Variants in NBEA observed in about 807,000 individuals in gnomAD.
NBEA encodes neurobeachin.
In NBEA, 44 loss-of-function variants were observed where a neutral mutation model predicts 343.4. That is an observed-to-expected ratio of 0.13 (90% CI 0.10 to 0.16). The LOEUF (loss-of-function observed/expected upper bound fraction) is 0.16, where lower values mean the gene tolerates loss of function less well. Ranked by LOEUF, NBEA falls within the 10% of genes least tolerant of loss-of-function variation. NBEA has a pLI of 1.00. For synonymous variants in NBEA, 1,175 were observed against 1,238.7 expected, an observed-to-expected ratio of 0.95 and a Z score of 1.08; for missense variants, 2,555 against 3,631.3, an observed-to-expected ratio of 0.70 and a Z score of 7.62.
At chr13:35,324,523 G>A (rs116936346) in intron 36 of NBEA, among the ~76,000 whole-genome samples, 5,351 of 152,192 alleles carry the variant, frequency 0.035, 139 homozygotes, top group Non-Finnish European at 0.054. Context: ...ACATGGACAT[G>A]TATTCCTGAA....
chr13:35,132,154 T>A (rs1007863360), intron 17 of NBEA, among the ~76,000 whole-genome samples: 1 of 152,126 alleles, frequency 6.6e-6, no homozygotes, highest in African/African-American at 2.4e-5. Flanking sequence ...CTTAGTACTA[T>A]TATTACTATT....
chr13:34,953,956 A>G (rs113221293), intron 1 of NBEA, among the ~76,000 whole-genome samples: 2,342 of 152,298 alleles, frequency 0.015, 63 homozygotes, highest in African/African-American at 0.054. Flanking sequence ...CTCCTTATGA[A>G]AATCTAATGC....
chr13:35,356,545 C>A (rs1337998075), intron 38 of NBEA, among the ~76,000 whole-genome samples: 1 of 152,102 alleles, frequency 6.6e-6, no homozygotes, highest in Non-Finnish European at 1.5e-5. Context: ...GGGATTAATA[C>A]AATTGTGCAT....
At chr13:35,386,073 T>C (rs1328956432) in intron 38 of NBEA, among the ~76,000 whole-genome samples, 1 of 152,094 alleles carries the variant, frequency 6.6e-6, no homozygotes, top group South Asian at 2.1e-4. Context: ...TGTTTATAAA[T>C]AGATAAAATA....
rs546998753 is a variant in NBEA, at chr13:34,950,544, A to C, written c.294+7430A>C. 1.0e-3 allele frequency among the ~76,000 whole-genome samples: 156 copies of C among 151,268 alleles called. 1 individual carries two copies. The highest frequency in any genetic ancestry group is 3.4e-3 in the African/African-American group (143 of 41,456). Reference sequence around the variant, plus strand: ...AATATTCTAATATTCTAAATTAAAAAATTTAGAATATTCTAATTTTCTAAA... The same window carrying C: ...AATATTCTAATATTCTAAATTAAAACATTTAGAATATTCTAATTTTCTAAA... On this transcript the variant is annotated intron_variant, in intron 1 of 58. Transcript: ENST00000379939.
At chr13:35,066,468 G>T (rs993572489) in intron 8 of NBEA, among the ~76,000 whole-genome samples, 1 of 151,964 alleles carries the variant, frequency 6.6e-6, no homozygotes, top group African/African-American at 2.4e-5. Context: ...GTATTTTGAT[G>T]CTTTGTTGTT....
At chr13:34,947,073 C>T (rs1192812035) in intron 1 of NBEA, among the ~76,000 whole-genome samples, 1 of 151,596 alleles carries the variant, frequency 6.6e-6, no homozygotes, top group Non-Finnish European at 1.5e-5. Flanking sequence ...AAATAATTTC[C>T]TGCATTTTAA....
chr13:35,261,205 T>C (rs997092929), intron 34 of NBEA, among the ~76,000 whole-genome samples: 2 of 152,134 alleles, frequency 1.3e-5, no homozygotes, highest in Non-Finnish European at 2.9e-5. Context: ...ACTATAAAGA[T>C]GTTTAAATAT....
chr13:35,526,488 A>G (rs116532432), intron 41 of NBEA, among the ~76,000 whole-genome samples: 3,230 of 152,284 alleles, frequency 0.021, 32 homozygotes, highest in South Asian at 0.043. Context: ...TCTACTAAAA[A>G]TATAAAAATT....
intron 36 of NBEA, among the ~76,000 whole-genome samples, chr13:35,310,444 A>G (rs1329033385): frequency 6.6e-6 from 1 of 152,204 alleles, no homozygotes; most frequent in Non-Finnish European, 1.5e-5. Flanking sequence ...GTGAACTCTG[A>G]TAAATATTCC....
At chr13:35,557,212 T>G (rs1048300669) in intron 44 of NBEA, among the ~76,000 whole-genome samples, 1 of 152,126 alleles carries the variant, frequency 6.6e-6, no homozygotes, top group Non-Finnish European at 1.5e-5. Context: ...GTTCATTGTT[T>G]TAAAGGTCTC....
At chr13:35,649,943 C>A in intron 52 of NBEA, 96 bp downstream of exon 52, 2 of 1,214,318 alleles carry the variant, frequency 1.6e-6, no homozygotes, top group Non-Finnish European at 2.3e-6. Context: ...TCATATCCCA[C>A]ATTATCTACA....
chr13:35,630,695 T>A (rs2083411211), intron 49 of NBEA, among the ~76,000 whole-genome samples: 1 of 152,118 alleles, frequency 6.6e-6, no homozygotes, highest in Admixed American at 6.6e-5. Context: ...CTGTGTCAGT[T>A]CTTAGAACAC....
At chr13:35,587,696 T>C (rs1421844441) in intron 46 of NBEA, among the ~76,000 whole-genome samples, 1 of 152,224 alleles carries the variant, frequency 6.6e-6, no homozygotes, top group Admixed American at 6.5e-5. Context: ...TCCATAAGAA[T>C]ACTTGTTATG....
chr13:35,614,507 C>CTTATTAT, intron 48 of NBEA, among the ~76,000 whole-genome samples: 1 of 152,138 alleles, frequency 6.6e-6, no homozygotes. Flanking sequence ...TTCATTGTAT[C>CTTATTAT]AAGCCCTTAT....
chr13:35,142,893 GT>G (rs2068173306), intron 18 of NBEA, among the ~76,000 whole-genome samples: 1 of 152,174 alleles, frequency 6.6e-6, no homozygotes, highest in Non-Finnish European at 1.5e-5. Context: ...AAATGGGACA[GT>G]TTTGGGTTCA....
At chr13:34,999,871 C>T (rs1363652554) in intron 1 of NBEA, among the ~76,000 whole-genome samples, 1 of 152,024 alleles carries the variant, frequency 6.6e-6, no homozygotes, top group Non-Finnish European at 1.5e-5. Context: ...TATTTCAAAG[C>T]CCAGACTCTT....
chr13:35,517,287 T>C (rs1163168587), intron 41 of NBEA, among the ~76,000 whole-genome samples: 5 of 152,126 alleles, frequency 3.3e-5, no homozygotes, highest in African/African-American at 7.2e-5. Context: ...TTCTCTGCCA[T>C]AGAGATCTAA....
chr13:35,276,712 G>T (rs952147998), intron 34 of NBEA, among the ~76,000 whole-genome samples: 6 of 152,120 alleles, frequency 3.9e-5, no homozygotes, highest in Admixed American at 6.5e-5. Flanking sequence ...CACTTATATT[G>T]TAGTGTTTAC....
Sources: allele counts gnomAD v4.1 joint callset (sites outside exome capture counted in the v4.1 genomes callset), GRCh38; gene constraint gnomAD v4.1.1; transcripts MANE v1.5; gene names NCBI Gene and HGNC (gene_info 2026-07-23, HGNC 2026-07-21).